The following NCKAP5 variants were observed in gnomAD, a reference collection of about 807,000 sequenced individuals.
The protein encoded by NCKAP5 is nck-associated protein 5.
Under a neutral mutation model 167.0 loss-of-function variants are expected in NCKAP5, and 92 were observed. That is an observed-to-expected ratio of 0.55 (90% CI 0.47 to 0.66). The LOEUF (loss-of-function observed/expected upper bound fraction) is 0.66. Among genes scored for constraint, NCKAP5 ranks in the 30% least tolerant of loss-of-function variants. NCKAP5 has a pLI of 0.00. For missense variants in NCKAP5, 2,378 were observed against 2,315.0 expected (o/e 1.03, Z -0.56); for synonymous variants, 891 against 877.4 (o/e 1.02, Z -0.27).
chr2:132,781,881 T>C, intron 14 of NCKAP5, 59 bp downstream of exon 14: 1 of 1,497,496 alleles, frequency 6.7e-7, no homozygotes, highest in Admixed American at 2.2e-5. Context: ...AGCAAACAAC[T>C]CTTTTAAAGG....
At chr2:133,381,839 C>A (rs1686545823) in intron 3 of NCKAP5, among the ~76,000 whole-genome samples, 1 of 152,148 alleles carries the variant, frequency 6.6e-6, no homozygotes, top group Non-Finnish European at 1.5e-5. Context: ...GGGGATAAAC[C>A]AAACTCATGT....
At chr2:133,591,202 T>C in the NCKAP5 span, among the ~76,000 whole-genome samples, 2 of 152,204 alleles carry the variant, frequency 1.3e-5, no homozygotes, top group African/African-American at 2.4e-5. Context: ...GGTGGAGCAA[T>C]GATCATTTAT....
intron 3 of NCKAP5, among the ~76,000 whole-genome samples, chr2:133,453,489 C>T (rs1466083679): frequency 6.6e-6 from 1 of 151,942 alleles, no homozygotes; most frequent in African/African-American, 2.4e-5. Context: ...GTGGACAAAC[C>T]CTTGTGAACA....
intron 4 of NCKAP5, among the ~76,000 whole-genome samples, chr2:133,229,817 C>T (rs995535505): frequency 6.6e-6 from 1 of 152,070 alleles, no homozygotes; most frequent in Non-Finnish European, 1.5e-5. Flanking sequence ...CACACAAAAC[C>T]TCCATGAATT....
At chr2:133,621,099 A>C in the NCKAP5 span, among the ~76,000 whole-genome samples, 3 of 152,158 alleles carry the variant, frequency 2.0e-5, no homozygotes, top group Non-Finnish European at 4.4e-5. Context: ...AATCTATCAA[A>C]ATTTCTCGGA....
At chr2:133,280,184 CA>C (rs1443579802) in intron 4 of NCKAP5, among the ~76,000 whole-genome samples, 3 of 152,056 alleles carry the variant, frequency 2.0e-5, no homozygotes, top group African/African-American at 7.2e-5. Flanking sequence ...TAAGTACAAA[CA>C]GGGAAAAAAT....
At chr2:132,990,743 GC>G (rs1197878330) in intron 7 of NCKAP5, among the ~76,000 whole-genome samples, 1 of 152,202 alleles carries the variant, frequency 6.6e-6, no homozygotes, top group East Asian at 1.9e-4. Flanking sequence ...TCTGGAAAAA[GC>G]AAAGAAGCAA....
chr2:133,487,910 T>C (rs1681054465), intron 3 of NCKAP5, among the ~76,000 whole-genome samples: 1 of 152,076 alleles, frequency 6.6e-6, no homozygotes, highest in Non-Finnish European at 1.5e-5. Context: ...GATGGCAGAG[T>C]GCATGGGCTC....
At position 132,839,867 on chromosome 2, in the gene NCKAP5, T is replaced by C. The variant is rs182722931; in HGVS notation, c.807+20625A>G. 1.2e-3 allele frequency among the ~76,000 whole-genome samples: 179 copies of C among 152,070 alleles called. 1 individual carries two copies. Among genetic ancestry groups the C allele is most frequent in the African/African-American group, 4.0e-3 (165 of 41,506 alleles). ...GAACACATATTTTGTATATTATACA[T>C]TTTCTATACTGTATTCTTACAATAA... On this transcript the variant is annotated intron_variant, in intron 11 of 19. Transcript: ENST00000409261.
intron 13 of NCKAP5, among the ~76,000 whole-genome samples, chr2:132,787,007 C>A (rs1362762906): frequency 2.0e-5 from 3 of 152,116 alleles, no homozygotes; most frequent in African/African-American, 7.2e-5. Flanking sequence ...CACACTATTT[C>A]TTAAATGGTA....
the NCKAP5 span, among the ~76,000 whole-genome samples, chr2:133,647,715 AG>A: frequency 1.4e-3 from 176 of 130,304 alleles, 1 homozygote; most frequent in African/African-American, 5.0e-3. Context: ...AGAAAAAGAA[AG>A]GAAGGAAGGA....
intron 5 of NCKAP5, among the ~76,000 whole-genome samples, chr2:133,145,349 G>A (rs1218469982): frequency 6.6e-6 from 1 of 151,980 alleles, no homozygotes; most frequent in Non-Finnish European, 1.5e-5. Flanking sequence ...GGGAAGTAGG[G>A]GTTAAGAGGA....
At chr2:132,821,639 G>T (rs1405526177) in intron 11 of NCKAP5, among the ~76,000 whole-genome samples, 2 of 152,164 alleles carry the variant, frequency 1.3e-5, no homozygotes, top group South Asian at 2.1e-4. Context: ...AGGTCTGAAA[G>T]CCATGCTTGC....
chr2:133,234,888 T>C (rs1314946156), intron 4 of NCKAP5, among the ~76,000 whole-genome samples: 1 of 149,404 alleles, frequency 6.7e-6, no homozygotes, highest in Non-Finnish European at 1.5e-5. Flanking sequence ...TAAATATTTA[T>C]ATAAATAAGT....
chr2:133,074,661 C>T (rs948614399), intron 6 of NCKAP5, among the ~76,000 whole-genome samples: 18 of 152,070 alleles, frequency 1.2e-4, no homozygotes, highest in African/African-American at 4.1e-4. Context: ...CATGCCTGAC[C>T]CAAATGGAAA....
chr2:133,423,295 C>T (rs528488370), intron 3 of NCKAP5, among the ~76,000 whole-genome samples: 1 of 152,116 alleles, frequency 6.6e-6, no homozygotes, highest in Non-Finnish European at 1.5e-5. Context: ...CCGTTTTGAG[C>T]CAGTCAGTGA....
chr2:133,394,545 T>C (rs1687622058), intron 3 of NCKAP5, among the ~76,000 whole-genome samples: 1 of 152,242 alleles, frequency 6.6e-6, no homozygotes, highest in Non-Finnish European at 1.5e-5. Context: ...TAGGTTGTAG[T>C]GTTCATCCTA....
At chr2:132,916,036 A>C (rs13401736) in intron 8 of NCKAP5, among the ~76,000 whole-genome samples, 1 of 151,902 alleles carries the variant, frequency 6.6e-6, no homozygotes, top group Non-Finnish European at 1.5e-5. Context: ...GCCTCACTAC[A>C]TTCATTCTCA....
chr2:133,308,202 C>T (rs1452747562), intron 3 of NCKAP5, among the ~76,000 whole-genome samples: 1 of 150,862 alleles, frequency 6.6e-6, no homozygotes, highest in Non-Finnish European at 1.5e-5. Flanking sequence ...CATTCTCCCA[C>T]CTCAGCCTCC....
Sources: allele counts gnomAD v4.1 joint callset (sites outside exome capture counted in the v4.1 genomes callset), GRCh38; gene constraint gnomAD v4.1.1; transcripts MANE v1.5; gene names NCBI Gene and HGNC (gene_info 2026-07-23, HGNC 2026-07-21).